MYO16: variants seen among roughly 807,000 people sequenced by gnomAD.
MYO16 encodes the protein myosin XVI, also known as unconventional myosin-XVI.
In MYO16, 94 loss-of-function variants were observed where a neutral mutation model predicts 205.3. That is an observed-to-expected ratio of 0.46 (90% CI 0.39 to 0.54). The LOEUF is 0.54. Ranked by LOEUF, MYO16 falls within the 20% of genes least tolerant of loss-of-function variation. MYO16 has a pLI of 0.00. For synonymous variants in MYO16, 988 were observed against 954.0 expected (o/e 1.04, Z -0.66); for missense variants, 2,315 against 2,387.5 (o/e 0.97, Z 0.63).
chr13:108,911,360 G>A (rs1001154391), intron 16 of MYO16, among the ~76,000 whole-genome samples: 1 of 152,166 alleles, frequency 6.6e-6, no homozygotes, highest in African/African-American at 2.4e-5. Flanking sequence ...GAACAGAGGA[G>A]CAGGTGGGTG....
At chr13:108,835,249 G>T (rs1437104029) in intron 9 of MYO16, among the ~76,000 whole-genome samples, 1 of 152,134 alleles carries the variant, frequency 6.6e-6, no homozygotes, top group East Asian at 1.9e-4. Flanking sequence ...CTGTTCCCTT[G>T]ATAGTGAACG....
At chr13:109,077,952 T>C (rs1404921941) in intron 27 of MYO16, among the ~76,000 whole-genome samples, 1 of 152,184 alleles carries the variant, frequency 6.6e-6, no homozygotes, top group Non-Finnish European at 1.5e-5. Context: ...CAATGCTCTG[T>C]TGATATTTCT....
chr13:108,896,040 G>T (rs573858994), intron 14 of MYO16, among the ~76,000 whole-genome samples: 1 of 152,136 alleles, frequency 6.6e-6, no homozygotes, highest in Non-Finnish European at 1.5e-5. Flanking sequence ...GTGTTGGGGT[G>T]TGGGGGTAGC....
At chr13:108,755,888 T>C (rs1885408057) in intron 4 of MYO16, among the ~76,000 whole-genome samples, 1 of 152,214 alleles carries the variant, frequency 6.6e-6, no homozygotes, top group Non-Finnish European at 1.5e-5. Context: ...ATGTATTAAA[T>C]ATTCAGGAAT....
intron 23 of MYO16, among the ~76,000 whole-genome samples, chr13:109,043,186 A>G (rs960760828): frequency 6.6e-6 from 1 of 152,224 alleles, no homozygotes; most frequent in African/African-American, 2.4e-5. Flanking sequence ...TATCCATTTC[A>G]CTAAATGATT....
intron 12 of MYO16, among the ~76,000 whole-genome samples, chr13:108,874,714 T>TA (rs1276048421): frequency 1.3e-5 from 2 of 148,536 alleles, no homozygotes; most frequent in African/African-American, 4.9e-5. Flanking sequence ...TTATTATTAT[T>TA]ATTATTATTA....
chr13:108,956,113 TA>T (rs1428630385), intron 16 of MYO16, among the ~76,000 whole-genome samples: 1 of 152,206 alleles, frequency 6.6e-6, no homozygotes, highest in African/African-American at 2.4e-5. Context: ...CTTTAACAAG[TA>T]ATTTAAAGTC....
At chr13:108,991,005 A>G (rs974762414) in intron 20 of MYO16, among the ~76,000 whole-genome samples, 2 of 152,244 alleles carry the variant, frequency 1.3e-5, no homozygotes, top group African/African-American at 4.8e-5. Context: ...TATTGATCCT[A>G]TAAGAACTAT....
At chr13:108,552,937 C>T in the MYO16 span, among the ~76,000 whole-genome samples, 1 of 151,010 alleles carries the variant, frequency 6.6e-6, no homozygotes, top group Non-Finnish European at 1.5e-5. Flanking sequence ...ACAAATCCCA[C>T]TTATGAGGGT....
chr13:109,202,242 A>G (rs756979983), intron 34 of MYO16, among the ~76,000 whole-genome samples: 7 of 152,096 alleles, frequency 4.6e-5, no homozygotes, highest in Admixed American at 1.3e-4. Context: ...GCTGAGTCAA[A>G]TGGTAATTCT....
chr13:109,132,040 G>A (rs1462547730), intron 31 of MYO16, among the ~76,000 whole-genome samples: 1 of 152,340 alleles, frequency 6.6e-6, no homozygotes, highest in East Asian at 1.9e-4. Flanking sequence ...CAAGCGCACA[G>A]CAAAGTTACA....
At chr13:109,191,746 G>A (rs1879925531) in intron 34 of MYO16, among the ~76,000 whole-genome samples, 1 of 152,160 alleles carries the variant, frequency 6.6e-6, no homozygotes, top group Non-Finnish European at 1.5e-5. Flanking sequence ...CTAGGAAAGG[G>A]ATACTTTCCA....
chr13:108,957,558 A>G, intron 16 of MYO16, 130 bp from the exon 17 acceptor site: 1 of 596,930 alleles, frequency 1.7e-6, no homozygotes, highest in Non-Finnish European at 3.1e-6. Context: ...AATGCTTTGA[A>G]AACACGTGGG....
chr13:108,859,945 A>C (rs1307483242), intron 11 of MYO16, among the ~76,000 whole-genome samples: 1 of 152,194 alleles, frequency 6.6e-6, no homozygotes, highest in Non-Finnish European at 1.5e-5. Context: ...CCTAGTACAC[A>C]GCCTCACTCA....
chr13:108,890,208 T>G (rs1880105563), intron 14 of MYO16, among the ~76,000 whole-genome samples: 1 of 144,112 alleles, frequency 6.9e-6, no homozygotes, highest in Non-Finnish European at 1.5e-5. Flanking sequence ...CCTCCCAAAG[T>G]GCTAGGATTA....
At chr13:108,885,279 C>G (rs1012822549) in intron 13 of MYO16, among the ~76,000 whole-genome samples, 1 of 152,182 alleles carries the variant, frequency 6.6e-6, no homozygotes, top group Non-Finnish European at 1.5e-5. Flanking sequence ...GCCACCACGC[C>G]CGGCTAATTT....
chr13:108,860,000 A>G (rs906626141), intron 11 of MYO16, among the ~76,000 whole-genome samples: 3 of 152,136 alleles, frequency 2.0e-5, no homozygotes, highest in African/African-American at 7.2e-5. Flanking sequence ...AGGTTAATGT[A>G]GCAGAGCCTC....
At chr13:109,001,842 A>G (rs888116104) in intron 21 of MYO16, among the ~76,000 whole-genome samples, 1 of 150,130 alleles carries the variant, frequency 6.7e-6, no homozygotes, top group African/African-American at 2.4e-5. Context: ...GACAACAGCT[A>G]TTAAAGTCTC....
intron 10 of MYO16, among the ~76,000 whole-genome samples, chr13:108,849,175 G>GT (rs11309064): frequency 1.3e-4 from 20 of 151,840 alleles, no homozygotes; most frequent in African/African-American, 2.9e-4. Context: ...GTTTTTTTCT[G>GT]TTTTTTTGTT....
Sources: allele counts gnomAD v4.1 joint callset (sites outside exome capture counted in the v4.1 genomes callset), GRCh38; gene constraint gnomAD v4.1.1; transcripts MANE v1.5; gene names NCBI Gene and HGNC (gene_info 2026-07-23, HGNC 2026-07-21).